Variants in C4orf50 observed in about 807,000 individuals in gnomAD.
The protein encoded by C4orf50 is uncharacterized protein C4orf50.
C4orf50 carries 80 observed loss-of-function variants against 77.2 expected under a neutral mutation model. The observed-to-expected ratio is 1.04, with a 90% CI of 0.87 to 1.25. The LOEUF is 1.25. C4orf50 is among the 50% of genes most tolerant of loss of function. The pLI, the probability that C4orf50 is intolerant of heterozygous loss-of-function variation, is 0.00. For synonymous variants in C4orf50, 532 were observed against 465.3 expected, an observed-to-expected ratio of 1.14 and a Z score of -1.84; for missense variants, 1,257 against 1,152.9, an observed-to-expected ratio of 1.09 and a Z score of -1.31.
At chr4:5,922,018 G>T (rs186894119) in intron 7 of C4orf50, among the ~76,000 whole-genome samples, 42 of 152,242 alleles carry the variant, frequency 2.8e-4, no homozygotes, top group Non-Finnish European at 5.1e-4. Flanking sequence ...CCCCTGCTCT[G>T]CCCCCAGTAT....
chr4:5,988,411 T>A (rs1389539288), exon 28 of C4orf50: 6 of 1,609,796 alleles, frequency 3.7e-6, no homozygotes, highest in Non-Finnish European at 5.1e-6. Context: ...GGGCCTCTTC[T>A]CCTCTTTCTC....
chr4:5,915,050 A>G (rs1019969564), intron 7 of C4orf50, among the ~76,000 whole-genome samples: 1 of 152,216 alleles, frequency 6.6e-6, no homozygotes, highest in Non-Finnish European at 1.5e-5. Flanking sequence ...TATCTTCAAT[A>G]TACAGGACAG....
At position 6,014,005 on chromosome 4, in the gene C4orf50, G is replaced by GTTT. The variant is rs35565123; in HGVS notation, c.288-2040_288-2038dup. On this transcript the variant is annotated intron_variant, in intron 23 of 33. Transcript: ENST00000531445. Reference sequence around the variant, plus strand: ...CTTTTACTGTGTTTTTAAGTTGTGTGTTTTTTTTTTTTTTGAGATGGAGTT... The same window carrying GTTT: ...CTTTTACTGTGTTTTTAAGTTGTGTGTTTTTTTTTTTTTTTTTGAGATGGAGTT... Among the ~76,000 whole-genome samples, 213 of 97,376 alleles carry GTTT rather than the reference G, an allele frequency of 2.2e-3. 6 individuals carry two copies. The East Asian group carries it at 0.034, about 15-fold the overall frequency. The allele number at this position is 97,376 out of a possible 152,430, so 63.9% of individuals were successfully genotyped here. A position where few individuals can be genotyped will look rare whatever the true frequency, so the allele number is the denominator to read the frequency against.
At chr4:5,997,786 A>G (rs1721659335) in intron 25 of C4orf50, among the ~76,000 whole-genome samples, 1 of 152,238 alleles carries the variant, frequency 6.6e-6, no homozygotes, top group South Asian at 2.1e-4. Flanking sequence ...TTTATACAAA[A>G]TGTAAATTTT....
At chr4:5,967,248 AAGGCAATGCCACATAGG>A (rs1719628846) in intron 32 of C4orf50, among the ~76,000 whole-genome samples, 149 bp downstream of exon 10, 1 of 152,204 alleles carries the variant, frequency 6.6e-6, no homozygotes, top group South Asian at 2.1e-4. Flanking sequence ...GTGAAATAGG[AAGGCAATGCCACATAGG>A]AAAGCGGGAG....
intron 23 of C4orf50, among the ~76,000 whole-genome samples, chr4:6,016,054 G>T (rs1722673292): frequency 6.6e-6 from 1 of 152,192 alleles, no homozygotes; most frequent in African/African-American, 2.4e-5. Context: ...CCCTGAACTG[G>T]AACAATTGGG....
At chr4:5,993,171 T>G (rs1455696059) in intron 26 of C4orf50, among the ~76,000 whole-genome samples, 2 of 152,144 alleles carry the variant, frequency 1.3e-5, no homozygotes, top group African/African-American at 4.8e-5. Flanking sequence ...ATGCCACCTC[T>G]GCGGCCCACA....
rs1719070809 is a variant in C4orf50, at chr4:5,958,143, G to A, written c.*1232C>T. ...TCCTCAGCCCCTTCCCAAAGAGAGA[G>A]GTGACATCTCTGGTGGGTGAGCCTG... On this transcript the variant is annotated 3_prime_UTR_variant, in exon 34 of 34. Transcript: ENST00000531445. This position sits in a 1 kb window ranked among gnomAD's most constrained non-coding sequence, Gnocchi z 5.4. 1 of 152,344 alleles carries A rather than the reference G, an allele frequency of 6.6e-6. No individual in the cohort carries two copies. The highest frequency in any genetic ancestry group is 1.5e-5 in the Non-Finnish European group (1 of 68,194). The allele number at this position is 152,344 out of a possible 1,614,324, so 9.4% of individuals were successfully genotyped here. A position where few individuals can be genotyped will look rare whatever the true frequency, so the allele number is the denominator to read the frequency against.
At chr4:6,014,987 A>G (rs4270540) in intron 23 of C4orf50, among the ~76,000 whole-genome samples, 118,581 of 152,128 alleles carry the variant, frequency 0.78, 46,473 homozygotes, top group East Asian at 0.99. Context: ...CTTTGGTTGG[A>G]GTTCCCTGCC....
exon 34 of C4orf50, chr4:5,959,201 C>A (rs1458865606): frequency 2.7e-6 from 2 of 732,390 alleles, no homozygotes; most frequent in Non-Finnish European, 4.4e-6. Context: ...CAGGCACAGG[C>A]CAGCGTTTCT....
chr4:5,970,172 G>A lies in C4orf50; in HGVS notation c.4105-2710C>T, dbSNP rs73212619. 0.059 allele frequency among the ~76,000 whole-genome samples: 9,013 copies of A among 151,808 alleles called. 336 individuals carry two copies. The highest frequency in any genetic ancestry group is 0.098 in the African/African-American group (4,032 of 41,342). ...GGAAAAAAAAAAAAAGGCCCACTGG[G>A]GCTAGGGGTCGGGGGGCATAGAGAG... On this transcript the variant is annotated intron_variant, in intron 31 of 33. Coordinates refer to ENST00000531445, the Ensembl canonical transcript of C4orf50. The surrounding 1 kb of genome is among the most constrained non-coding windows in gnomAD (Gnocchi z 4.3).
At chr4:5,959,514 G>A (rs1272419335) in exon 34 of C4orf50, 5 of 1,614,206 alleles carry the variant, frequency 3.1e-6, no homozygotes, top group African/African-American at 1.3e-5. Flanking sequence ...TTGGAGGGCA[G>A]GACAGGGCAT....
In C4orf50 at chr4:6,015,605, T is replaced by C. The variant is rs1010003564; in HGVS notation, c.287+2540A>G. 6.6e-6 allele frequency among the ~76,000 whole-genome samples: 1 copy of C among 152,150 alleles called. No homozygotes were observed. Among genetic ancestry groups the C allele is most frequent in the African/African-American group, 2.4e-5 (1 of 41,438 alleles). On this transcript the variant is annotated intron_variant, in intron 23 of 33. Transcript: ENST00000531445. The surrounding 1 kb of genome is among the most constrained non-coding windows in gnomAD (Gnocchi z 4.4). ...CTGTGTGGGCTTTCTCGGGGTACCC[T>C]GGTCTCCTCCTGCAGCTGTAACACG...
In C4orf50 at chr4:5,916,605, G is replaced by C. The variant is rs1717037282; in HGVS notation, c.*2475-18417C>G. ...TGGATTGGGCACCCTCAAAAGCAGA[G>C]CCTGAGACCCAGACAGGGGTGCAGG... On this transcript the variant is annotated intron_variant, in intron 7 of 7. Coordinates refer to the C4orf50 transcript ENST00000324058. The surrounding 1 kb of genome is among the most constrained non-coding windows in gnomAD (Gnocchi z 4.4). 6.6e-6 allele frequency among the ~76,000 whole-genome samples: 1 copy of C among 152,214 alleles called. No individual in the cohort carries two copies. Among genetic ancestry groups the C allele is most frequent in the African/African-American group, 2.4e-5 (1 of 41,460 alleles).
In C4orf50 at chr4:5,916,259, C is replaced by G. The variant is rs2108734020; in HGVS notation, c.*2475-18071G>C. On this transcript the variant is annotated intron_variant, in intron 7 of 7. Transcript: ENST00000324058. The surrounding 1 kb of genome is among the most constrained non-coding windows in gnomAD (Gnocchi z 4.4). ...CTGGTTACTCTGGGGGGCCCATGCA[C>G]AGAGAATCATAGTTTCAGAATGAAG... Among the ~76,000 whole-genome samples, 1 of 152,324 alleles carries G rather than the reference C, an allele frequency of 6.6e-6. No homozygotes were observed. Among genetic ancestry groups the G allele is most frequent in the East Asian group, 1.9e-4 (1 of 5,186 alleles).
At chr4:5,988,881 C>T in exon 28 of C4orf50, 3 of 1,536,020 alleles carry the variant, frequency 2.0e-6, no homozygotes, top group Non-Finnish European at 2.6e-6. Context: ...GTGTCTGGAG[C>T]TTCCAGTTTT....
chr4:5,955,096 C>T, downstream of C4orf50, among the ~76,000 whole-genome samples: 1 of 152,126 alleles, frequency 6.6e-6, no homozygotes, highest in East Asian at 1.9e-4. This position sits in a 1 kb window ranked among gnomAD's most constrained non-coding sequence, Gnocchi z 5.1. Context: ...GCCCCTACCT[C>T]TCCTTCCCAC....
chr4:5,909,934 G>T (rs1560536577), intron 7 of C4orf50, among the ~76,000 whole-genome samples: 1 of 152,122 alleles, frequency 6.6e-6, no homozygotes, highest in Admixed American at 6.5e-5. Flanking sequence ...GAAGTCAGGG[G>T]GTGTGGAGCC....
rs753116838 is a variant in C4orf50 at position 5,959,365 on chromosome 4, A to T, written c.*10T>A. On this transcript the variant is annotated 3_prime_UTR_variant, in exon 34 of 34. Transcript: ENST00000531445. ...GTCTATGAAATGGCTCCGGAGAATG[A>T]GTGGCCCTATTACATTTCTAACTCC... 6 of 1,609,648 alleles carry T rather than the reference A, an allele frequency of 3.7e-6. No homozygotes were observed. Among genetic ancestry groups the T allele is most frequent in the South Asian group, 1.1e-5 (1 of 90,972 alleles).
Sources: gnomAD v4.1 joint callset for allele counts (sites outside exome capture counted in the v4.1 genomes callset) on GRCh38, gnomAD v4.1.1 for gene constraint, Gnocchi (gnomAD v3.1) non-coding constraint, MANE v1.5 for transcripts, NCBI Gene and HGNC (gene_info 2026-07-23, HGNC 2026-07-21) for gene names.